The following PKHD1 variants were observed in gnomAD, a reference collection of about 807,000 sequenced individuals.
The protein encoded by PKHD1 is fibrocystin.
A neutral mutation model predicts 412.0 loss-of-function variants in PKHD1; 291 were observed. The observed-to-expected ratio is 0.71, with a 90% CI of 0.64 to 0.78. The LOEUF (loss-of-function observed/expected upper bound fraction) is 0.78, where lower values mean the gene tolerates loss of function less well. Among genes scored for constraint, PKHD1 ranks in the 30% least tolerant of loss-of-function variants. The pLI, the probability that PKHD1 is intolerant of heterozygous loss-of-function variation, is 0.00. For synonymous variants in PKHD1, 1,777 were observed against 1,821.5 expected (o/e 0.98, Z 0.62); for missense variants, 4,825 against 4,950.7 (o/e 0.97, Z 0.76).
chr6:51,962,577 A>G lies in PKHD1; in HGVS notation c.5752-2551T>C, dbSNP rs548276341. Among the ~76,000 whole-genome samples the G allele has an allele frequency of 2.0e-5, 3 of 152,146 alleles. No individual in the cohort carries two copies. In the South Asian group the frequency reaches 6.2e-4, roughly 32 times the overall value. On this transcript the variant is annotated intron_variant, in intron 35 of 66. Transcript: ENST00000371117. ...GGAAAGGTCAAATACTGTTATCTCTACTTTCCAGTGGAGAAAGCAAAGGCT... is the reference window on the plus strand; with the variant it reads ...GGAAAGGTCAAATACTGTTATCTCTGCTTTCCAGTGGAGAAAGCAAAGGCT...
intron 51 of PKHD1, among the ~76,000 whole-genome samples, chr6:51,831,302 C>T (rs190147699): frequency 1.2e-4 from 18 of 152,236 alleles, no homozygotes; most frequent in African/African-American, 4.1e-4. Context: ...AATCTCACTA[C>T]CTTGCAATAA....
intron 43 of PKHD1, among the ~76,000 whole-genome samples, chr6:51,887,683 C>T (rs1188635592): frequency 6.6e-6 from 1 of 152,178 alleles, no homozygotes; most frequent in Non-Finnish European, 1.5e-5. Context: ...CCTGCTTTGC[C>T]TTCTGCCGTG....
rs527622605 is a variant in PKHD1, at chr6:51,858,031, C to T, written c.7734-1961G>A. On this transcript the variant is annotated intron_variant, in intron 48 of 66. Coordinates refer to ENST00000371117, the MANE Select transcript of PKHD1 (RefSeq NM_138694.4). ...TTTGTTGTCCACCCTTCCCCACCCA[C>T]CCCTTCAGGATTTAAATTGGAACTA... Among the ~76,000 whole-genome samples, 293 of 152,034 alleles carry T rather than the reference C, an allele frequency of 1.9e-3. 7 individuals are homozygous for T. The highest frequency in any genetic ancestry group is 2.1e-4 in the South Asian group (1 of 4,820).
chr6:51,911,653 C>G (rs1162238872), intron 39 of PKHD1, 146 bp downstream of exon 39: 1 of 709,696 alleles, frequency 1.4e-6, no homozygotes, highest in Non-Finnish European at 2.5e-6. Context: ...CAAGAGCATT[C>G]TGAAAACTAC....
chr6:51,739,807 G>T lies in PKHD1; in HGVS notation c.10156+4578C>A, dbSNP rs142171867. On this transcript the variant is annotated intron_variant, in intron 60 of 66. Coordinates refer to ENST00000371117, the MANE Select transcript of PKHD1 (RefSeq NM_138694.4). ...CCACTTTTTTTTTTGTCATGGCTGAGAAATTGTTAAATTCTGTTGAAACTG... is the reference window on the plus strand; with the variant it reads ...CCACTTTTTTTTTTGTCATGGCTGATAAATTGTTAAATTCTGTTGAAACTG... Among the ~76,000 whole-genome samples, 534 of 152,126 alleles carry T rather than the reference G, an allele frequency of 3.5e-3. 2 individuals carry two copies. Among genetic ancestry groups the T allele is most frequent in the African/African-American group, 0.012 (507 of 41,516 alleles).
intron 44 of PKHD1, among the ~76,000 whole-genome samples, chr6:51,886,732 TGCCAAA>T (rs1778274098): frequency 6.6e-6 from 1 of 152,216 alleles, no homozygotes; most frequent in African/African-American, 2.4e-5. Context: ...TATGGCAAAA[TGCCAAA>T]GTATAGAATA....
chr6:51,683,742 C>T (rs1278079435), intron 60 of PKHD1, among the ~76,000 whole-genome samples: 5 of 151,970 alleles, frequency 3.3e-5, no homozygotes, highest in Non-Finnish European at 7.4e-5. Context: ...CTAGCTCTTC[C>T]ATTGTATAGT....
At chr6:51,901,992 T>A (rs1781376558) in intron 43 of PKHD1, among the ~76,000 whole-genome samples, 1 of 152,156 alleles carries the variant, frequency 6.6e-6, no homozygotes, top group Non-Finnish European at 1.5e-5. Context: ...ACCCTCTGGT[T>A]CTCTGCACCT....
chr6:51,886,720 A>C (rs1778271703), intron 44 of PKHD1, among the ~76,000 whole-genome samples: 1 of 152,258 alleles, frequency 6.6e-6, no homozygotes, highest in African/African-American at 2.4e-5. Context: ...AGAGATATAC[A>C]GTATGGCAAA....
At chr6:51,870,401 T>C in intron 47 of PKHD1, 103 bp downstream of exon 47, 1 of 1,009,196 alleles carries the variant, frequency 9.9e-7, no homozygotes, top group Middle Eastern at 2.2e-4. Context: ...TGCAATCTTA[T>C]AACTGAAAGA....
At chr6:51,943,110 T>G (rs979118860) in intron 36 of PKHD1, among the ~76,000 whole-genome samples, 5 of 151,516 alleles carry the variant, frequency 3.3e-5, no homozygotes, top group African/African-American at 4.8e-5. Flanking sequence ...CTCTATACAG[T>G]CTTATAATGG....
intron 37 of PKHD1, among the ~76,000 whole-genome samples, chr6:51,925,879 C>T (rs1176647272): frequency 6.6e-6 from 1 of 151,198 alleles, no homozygotes; most frequent in African/African-American, 2.4e-5. Context: ...AAAGTTAATC[C>T]TGAGGCTTTT....
chr6:51,781,449 G>A (rs28549363), intron 53 of PKHD1, among the ~76,000 whole-genome samples: 89,089 of 151,866 alleles, frequency 0.59, 26,880 homozygotes, highest in East Asian at 0.83. Flanking sequence ...TCAATTAATG[G>A]AATATTAAAA....
intron 48 of PKHD1, among the ~76,000 whole-genome samples, chr6:51,862,318 T>C (rs754217609): frequency 2.0e-5 from 3 of 152,244 alleles, no homozygotes; most frequent in Non-Finnish European, 4.4e-5. Context: ...CCTTTTATTA[T>C]TCATAAAACT....
intron 36 of PKHD1, among the ~76,000 whole-genome samples, chr6:51,939,480 C>G (rs961730707): frequency 2.0e-5 from 3 of 151,476 alleles, no homozygotes; most frequent in African/African-American, 7.3e-5. Flanking sequence ...TCAACTCACA[C>G]CTGACCTAAA....
intron 55 of PKHD1, among the ~76,000 whole-genome samples, chr6:51,764,907 C>G (rs1243588355): frequency 1.3e-5 from 2 of 151,998 alleles, no homozygotes; most frequent in Non-Finnish European, 2.9e-5. Context: ...TTAGAATGCC[C>G]CCAATCTCAA....
intron 52 of PKHD1, among the ~76,000 whole-genome samples, chr6:51,827,794 T>C (rs930495409): frequency 6.6e-6 from 1 of 152,144 alleles, no homozygotes; most frequent in South Asian, 2.1e-4. Context: ...CTTGGAACTG[T>C]GCCTTGAACA....
intron 50 of PKHD1, among the ~76,000 whole-genome samples, chr6:51,842,739 A>C (rs569544523): frequency 6.6e-6 from 1 of 152,278 alleles, no homozygotes; most frequent in African/African-American, 2.4e-5. Context: ...ACAAGTGGCC[A>C]TTGTGAGTGG....
intron 45 of PKHD1, 25 bp downstream of exon 45, chr6:51,885,842 T>C (rs969826043): frequency 1.5e-5 from 21 of 1,429,186 alleles, no homozygotes; most frequent in African/African-American, 5.6e-5. Context: ...ACAACAACAA[T>C]AACAACAACA....
Sources: allele counts gnomAD v4.1 joint callset (sites outside exome capture counted in the v4.1 genomes callset), GRCh38; gene constraint gnomAD v4.1.1; transcripts MANE v1.5; gene names NCBI Gene and HGNC (gene_info 2026-07-23, HGNC 2026-07-21).